Variants in LDB1 observed in about 807,000 individuals in gnomAD.
The protein encoded by LDB1 is LIM domain binding 1, also known as LIM domain-binding protein 1.
A neutral mutation model predicts 49.7 loss-of-function variants in LDB1; 6 were observed. The observed-to-expected ratio is 0.12, with a 90% CI of 0.07 to 0.24. The LOEUF is 0.24. Ranked by LOEUF, LDB1 falls within the 10% of genes least tolerant of loss-of-function variation. LDB1 has a pLI of 1.00. For synonymous variants in LDB1, 233 were observed against 202.0 expected (o/e 1.15, Z -1.30); for missense variants, 341 against 561.7 (o/e 0.61, Z 3.97).
intron 1 of LDB1, chr10:102,114,820 GCCCT>G: frequency 1.1e-5 from 2 of 175,774 alleles, no homozygotes; most frequent in Non-Finnish European, 1.4e-5. Flanking sequence ...CAGCCCGCCC[GCCCT>G]CCCCAGGCCA....
At chr10:102,104,229 A>G (rs893188719), downstream of LDB1, among the ~76,000 whole-genome samples, 2 of 152,124 alleles carry the variant, frequency 1.3e-5, no homozygotes, top group African/African-American at 4.8e-5. Flanking sequence ...TCCAGGAGGG[A>G]CAGAGGTTTG....
Position 102,110,646 on chromosome 10 carries a change from A to C in LDB1, c.408T>G (p.Ala136=). The C allele has an allele frequency of 2.5e-6, 4 of 1,613,888 alleles. No homozygotes were observed. The highest frequency in any genetic ancestry group is 3.4e-6 in the Non-Finnish European group (4 of 1,179,916). Residue 136 remains alanine, a synonymous_variant, in exon 6 of 11, where the codon GCT becomes GCG. Coordinates refer to ENST00000673968, the MANE Select transcript of LDB1 (RefSeq NM_001113407.3). ...GCTTAAGAACATAGTACAGCTCCGT[A>C]GCACCCCCCTCAAAGATGCTGCGGA... The part of the protein sequence containing the change: ...RYFRSIFEGG[A]TELYYVLKHP...
At chr10:102,115,497 T>A (rs2068325098) in intron 1 of LDB1, among the ~76,000 whole-genome samples, 1 of 152,160 alleles carries the variant, frequency 6.6e-6, no homozygotes, top group Non-Finnish European at 1.5e-5. Context: ...GACATCAGAC[T>A]GTAAACACTG....
At position 102,109,167 on chromosome 10, in the gene LDB1, T is replaced by G; in HGVS notation, c.867A>C (p.Thr289=). Residue 289 remains threonine (T), a synonymous_variant, in exon 10 of 11, where the codon ACA becomes ACC. Coordinates refer to ENST00000673968, the MANE Select transcript of LDB1 (RefSeq NM_001113407.3). This position sits in a 1 kb window ranked among gnomAD's most constrained non-coding sequence, Gnocchi z 5.8. ...QRMVAPPAEP[T]RQQPSKRRKR... ...TCCGCCGTTTGCTGGGCTGCTGACGTGTGGGCTCCGCTGTGCCGGTAAACG... is the reference window on the plus strand; with the variant it reads ...TCCGCCGTTTGCTGGGCTGCTGACGGGTGGGCTCCGCTGTGCCGGTAAACG... The G allele has an allele frequency of 6.2e-7, 1 of 1,613,612 alleles. No homozygotes were observed.
chr10:102,113,464 G>A (rs2068285285), intron 1 of LDB1, among the ~76,000 whole-genome samples: 1 of 152,160 alleles, frequency 6.6e-6, no homozygotes, highest in Admixed American at 6.5e-5. Context: ...AGTCTGGACT[G>A]AGCCTGTGTC....
intron 1 of LDB1, chr10:102,114,812 G>GGGCGCCC: frequency 4.3e-6 from 4 of 929,818 alleles, no homozygotes; most frequent in East Asian, 1.2e-4. Context: ...CCTCCGAGCA[G>GGGCGCCC]CCCGCCCGCC....
chr10:102,114,324 C>G, intron 1 of LDB1: 1 of 985,510 alleles, frequency 1.0e-6, no homozygotes. Flanking sequence ...GGGCACCTCT[C>G]CCCCAGCCCG....
chr10:102,108,735 G>A (rs2068206820), intron 10 of LDB1, among the ~76,000 whole-genome samples: 1 of 152,184 alleles, frequency 6.6e-6, no homozygotes, highest in Non-Finnish European at 1.5e-5. Context: ...CAGTGTGAGT[G>A]TGTGTGCTGG....
rs1328373747 is a variant in LDB1 at position 102,120,311 on chromosome 10, G to A, written c.-201C>T. 2.0e-6 allele frequency: 2 copies of A among 984,528 alleles called. No homozygotes were observed. Among genetic ancestry groups the A allele is most frequent in the African/African-American group, 1.7e-5 (1 of 57,190 alleles). 61.0% of individuals were successfully genotyped at this position (984,528 alleles called of 1,614,324 possible). A position where few individuals can be genotyped will look rare whatever the true frequency, so the allele number is the denominator to read the frequency against. On this transcript the variant is annotated 5_prime_UTR_variant, in exon 1 of 11. Coordinates refer to ENST00000673968, the MANE Select transcript of LDB1 (RefSeq NM_001113407.3). ...GCGGAGCAGACAGGAAGGAAGCCAG[G>A]CAGGAAGGCGAGCGGCCTCTGCGTG... is the stretch of plus-strand genomic sequence containing the variant.
chr10:102,120,716 G>A (rs1448165608), upstream of LDB1, among the ~76,000 whole-genome samples: 4 of 152,172 alleles, frequency 2.6e-5, no homozygotes, highest in African/African-American at 7.2e-5. Context: ...GAGGGCGAAG[G>A]GGAGGGCTTG....
chr10:102,105,140 G>A (rs1404784523), downstream of LDB1, among the ~76,000 whole-genome samples: 3 of 152,202 alleles, frequency 2.0e-5, no homozygotes, highest in Non-Finnish European at 4.4e-5. Context: ...TGGGCTAGAT[G>A]TACACTCAGT....
Position 102,106,860 on chromosome 10 carries a change from C to A in LDB1, c.*1233G>T, listed in dbSNP as rs771426356. 2.6e-5 allele frequency among the ~76,000 whole-genome samples: 4 copies of A among 152,170 alleles called. No individual in the cohort carries two copies. Among genetic ancestry groups the A allele is most frequent in the Non-Finnish European group, 5.9e-5 (4 of 68,036 alleles). On this transcript the variant is annotated 3_prime_UTR_variant, in exon 11 of 11. Transcript: ENST00000673968. ...GATCCCGGCTGCCTCCTCCTCCTTC[C>A]TTCTGTGAGGAAGGAGCGGCAGGGG... is the stretch of plus-strand genomic sequence containing the variant.
At position 102,114,292 on chromosome 10, in the gene LDB1, G is replaced by A. The variant is rs1341094037; in HGVS notation, c.26-2756C>T. 3 of 978,102 alleles carry A rather than the reference G, an allele frequency of 3.1e-6. No homozygotes were observed. The East Asian group carries it at 3.4e-4, about 111-fold the overall frequency. The allele number at this position is 978,102 out of a possible 1,614,324, so 60.6% of individuals were successfully genotyped here. On this transcript the variant is annotated intron_variant, in intron 1 of 10. Coordinates refer to ENST00000673968, the MANE Select transcript of LDB1 (RefSeq NM_001113407.3). ...ACTGGCCACAGGTCAGCAGGCCTGA[G>A]CGCCCCGGCGGCTCTGGGCTGGGGC...
chr10:102,114,246 G>A (rs2068298927), intron 1 of LDB1, among the ~76,000 whole-genome samples: 2 of 152,202 alleles, frequency 1.3e-5, no homozygotes, highest in Admixed American at 6.5e-5. Flanking sequence ...TGACTCGAGG[G>A]CAGGCCTCCT....
downstream of LDB1, among the ~76,000 whole-genome samples, chr10:102,104,902 C>G (rs559557363): frequency 6.6e-6 from 1 of 152,314 alleles, no homozygotes; most frequent in South Asian, 2.1e-4. Flanking sequence ...CACATCTTCT[C>G]TGCTTTGTTC....
rs1253977030 is a variant in LDB1 at position 102,119,311 on chromosome 10, G to GC, written c.25+774dup. 1.5e-4 allele frequency among the ~76,000 whole-genome samples: 16 copies of GC among 108,690 alleles called. No homozygotes were observed. The South Asian group carries it at 3.3e-3, about 22-fold the overall frequency. 71.3% of individuals were successfully genotyped at this position (108,690 alleles called of 152,430 possible). On this transcript the variant is annotated intron_variant, in intron 1 of 10. Transcript: ENST00000673968. ...TAGACGCCCTCCGCCCCCCCCACCT[G>GC]CCCCCCAGGAAAAAAACTCAGACCT...
chr10:102,104,227 G>A (rs1590275301), downstream of LDB1, among the ~76,000 whole-genome samples: 1 of 152,256 alleles, frequency 6.6e-6, no homozygotes, highest in East Asian at 1.9e-4. Flanking sequence ...AGTCCAGGAG[G>A]GACAGAGGTT....
intron 1 of LDB1, among the ~76,000 whole-genome samples, chr10:102,115,931 A>AC (rs1564916107): frequency 4.3e-4 from 64 of 150,520 alleles, no homozygotes; most frequent in African/African-American, 1.5e-3. Context: ...CACACACACA[A>AC]ACACACACAC....
chr10:102,113,273 G>A (rs1007687454), intron 1 of LDB1, among the ~76,000 whole-genome samples: 2 of 152,168 alleles, frequency 1.3e-5, no homozygotes, highest in African/African-American at 2.4e-5. Context: ...CTGCACACAC[G>A]TGTGCCTCAT....
Sources: allele counts gnomAD v4.1 joint callset (sites outside exome capture counted in the v4.1 genomes callset), GRCh38; gene constraint gnomAD v4.1.1; non-coding constraint Gnocchi (gnomAD v3.1); transcripts MANE v1.5; gene names NCBI Gene and HGNC (gene_info 2026-07-23, HGNC 2026-07-21).